The following ELK4 variants were observed in gnomAD, a reference collection of about 807,000 sequenced individuals.
ELK4 encodes ETS domain-containing protein Elk-4.
ELK4 carries 16 observed loss-of-function variants against 29.6 expected under a neutral mutation model. The observed-to-expected ratio is 0.54, with a 90% CI of 0.37 to 0.82. ELK4 has a LOEUF of 0.82. Among genes scored for constraint, ELK4 ranks in the 40% least tolerant of loss-of-function variants. ELK4 has a pLI of 0.00. For synonymous variants in ELK4, 213 were observed against 191.1 expected (o/e 1.11, Z -0.95); for missense variants, 465 against 507.1 (o/e 0.92, Z 0.80).
chr1:205,617,965 A>ATGTGTGTG lies in ELK4; in HGVS notation c.1197+984_1197+991dup, dbSNP rs71773934. Among the ~76,000 whole-genome samples the ATGTGTGTG allele has an allele frequency of 7.4e-3, 1,097 of 147,572 alleles. 11 individuals are homozygous for ATGTGTGTG. Among genetic ancestry groups the ATGTGTGTG allele is most frequent in the African/African-American group, 0.026 (1,031 of 39,990 alleles). On this transcript the variant is annotated intron_variant, in intron 4 of 4. Coordinates refer to ENST00000357992, the MANE Select transcript of ELK4 (RefSeq NM_001973.4). Reference sequence around the variant, plus strand: ...ACCTATGTGCAGAGATCCCCCATATATGTGTGTGTGTGTGTGTGTGAGAGA... The same window carrying ATGTGTGTG: ...ACCTATGTGCAGAGATCCCCCATATATGTGTGTGTGTGTGTGTGTGTGTGTGTGAGAGA...
chr1:205,626,236 A>C (rs1285097093), intron 1 of ELK4: 8 of 529,794 alleles, frequency 1.5e-5, no homozygotes, highest in Admixed American at 2.5e-5. Flanking sequence ...CCAAGCTCAA[A>C]CACCACCTCC....
intron 1 of ELK4, among the ~76,000 whole-genome samples, chr1:205,624,775 T>C (rs182417601): frequency 2.6e-5 from 4 of 152,266 alleles, no homozygotes; most frequent in African/African-American, 9.6e-5. Context: ...TAGATGCCAG[T>C]AGCACCGCCT....
intron 1 of ELK4, among the ~76,000 whole-genome samples, chr1:205,629,184 A>AAG (rs1670527337): frequency 6.6e-6 from 1 of 151,374 alleles, no homozygotes; most frequent in East Asian, 1.9e-4. Flanking sequence ...AAAAAAAAAA[A>AAG]AAAAGAAAAG....
chr1:205,616,620 C>G lies in ELK4; in HGVS notation c.1222G>C (p.Gly408Arg). Residue 408 changes from glycine to arginine, a missense_variant, in exon 5 of 5, where the codon GGG becomes CGG. Physicochemically the swap from Gly to Arg is moderately radical, Grantham distance 125. Transcript: ENST00000357992. ...TCCAGCCCAGACAGAGTGAATGGCC[C>G]ATGACTGTTCAGTACAGAAGGAAAC... The part of the protein sequence containing the change: ...FQFPSVLNSH[G>R]PFTLSGLDGP... The G allele has an allele frequency of 6.2e-7, 1 of 1,614,096 alleles. No homozygotes were observed. Among genetic ancestry groups the G allele is most frequent in the Non-Finnish European group, 8.5e-7 (1 of 1,179,982 alleles).
chr1:205,629,696 G>A (rs779882636), intron 1 of ELK4, among the ~76,000 whole-genome samples: 27 of 151,254 alleles, frequency 1.8e-4, no homozygotes, highest in Non-Finnish European at 3.2e-4. Flanking sequence ...CATCCTGGGC[G>A]ACAGAGCAAG....
chr1:205,623,578 G>T, intron 2 of ELK4, 98 bp downstream of exon 2: 1 of 1,380,492 alleles, frequency 7.2e-7, no homozygotes, highest in Non-Finnish European at 1.0e-6. Context: ...GCCTCCCAAA[G>T]TGCTGGGATT....
At chr1:205,623,312 C>CTTT (rs1224816064) in intron 2 of ELK4, among the ~76,000 whole-genome samples, 2 of 137,364 alleles carry the variant, frequency 1.5e-5, no homozygotes, top group African/African-American at 2.7e-5. Flanking sequence ...AACAAGGAAT[C>CTTT]TTTTTTTTTT....
chr1:205,626,960 T>C (rs1347487845), intron 1 of ELK4, among the ~76,000 whole-genome samples: 1 of 152,154 alleles, frequency 6.6e-6, no homozygotes, highest in Non-Finnish European at 1.5e-5. Context: ...TGGGGTATCA[T>C]CCAGCCACAG....
chr1:205,608,435 C>T lies in ELK4; in HGVS notation c.*8111G>A. On this transcript the variant is annotated 3_prime_UTR_variant, in exon 5 of 5. Coordinates refer to ENST00000357992, the MANE Select transcript of ELK4 (RefSeq NM_001973.4). ...ATCCTAATCAATCTTAGAGCAATAT[C>T]CCTTTGTTTCCCAACAGGTAAGTCA... 5.1e-6 allele frequency: 1 copy of T among 197,414 alleles called. No individual in the cohort carries two copies. 12.2% of individuals were successfully genotyped at this position (197,414 alleles called of 1,614,324 possible). A position where few individuals can be genotyped will look rare whatever the true frequency, so the allele number is the denominator to read the frequency against.
intron 4 of ELK4, among the ~76,000 whole-genome samples, chr1:205,618,221 A>C (rs932296830): frequency 6.6e-6 from 1 of 151,972 alleles, no homozygotes; most frequent in East Asian, 1.9e-4. Context: ...AGTACAGACA[A>C]GGTCTCCTTA....
intron 1 of ELK4, among the ~76,000 whole-genome samples, chr1:205,627,460 G>C (rs1571507169): frequency 6.6e-6 from 1 of 151,768 alleles, no homozygotes; most frequent in Non-Finnish European, 1.5e-5. Flanking sequence ...AGTGAGCTGA[G>C]ATTGCGCCAC....
At chr1:205,627,223 A>C (rs1387264083) in intron 1 of ELK4, among the ~76,000 whole-genome samples, 1 of 152,160 alleles carries the variant, frequency 6.6e-6, no homozygotes, top group East Asian at 1.9e-4. Context: ...AATATTATAA[A>C]CTTAGGCAGG....
Position 205,610,817 on chromosome 1 carries a change from T to C in ELK4, c.*5729A>G. On this transcript the variant is annotated 3_prime_UTR_variant, in exon 5 of 5. Transcript: ENST00000357992. ...CACATTCAGTCAATACATCAGTATA[T>C]ATGCATACACATACATTTACTAGGA... 1 of 231,952 alleles carries C rather than the reference T, an allele frequency of 4.3e-6. No homozygotes were observed. Among genetic ancestry groups the C allele is most frequent in the Middle Eastern group, 1.3e-3 (1 of 770 alleles). 14.4% of individuals were successfully genotyped at this position (231,952 alleles called of 1,614,324 possible). A position where few individuals can be genotyped will look rare whatever the true frequency, so the allele number is the denominator to read the frequency against.
intron 1 of ELK4, among the ~76,000 whole-genome samples, chr1:205,629,686 C>T (rs1053070527): frequency 1.3e-5 from 2 of 152,058 alleles, no homozygotes; most frequent in Non-Finnish European, 2.9e-5. Context: ...CACTGCACTC[C>T]ATCCTGGGCG....
In ELK4 at chr1:205,620,170, A is replaced by T. The variant is rs1206335984; in HGVS notation, c.876T>A (p.Leu292=). 5 of 1,614,106 alleles carry T rather than the reference A, an allele frequency of 3.1e-6. No homozygotes were observed. Among genetic ancestry groups the T allele is most frequent in the Non-Finnish European group, 4.2e-6 (5 of 1,180,046 alleles). Residue 292 remains leucine (L), a synonymous_variant, in exon 3 of 5, where the codon CTT becomes CTA. Coordinates refer to ENST00000357992, the MANE Select transcript of ELK4 (RefSeq NM_001973.4). ...TAGGCTCCAGTGACAAATTCTCTGGAAGTTCCATTGGCTGAGAAGCCACTG... is the reference window on the plus strand; with the variant it reads ...TAGGCTCCAGTGACAAATTCTCTGGTAGTTCCATTGGCTGAGAAGCCACTG... ...IDSVASQPME[L]PENLSLEPKD...
At chr1:205,619,747 G>A (rs746277374) in intron 3 of ELK4, 47 of 1,487,192 alleles carry the variant, frequency 3.2e-5, no homozygotes, top group Non-Finnish European at 4.1e-5. Flanking sequence ...TTATTTACTT[G>A]TAGAACAATG....
intron 2 of ELK4, among the ~76,000 whole-genome samples, chr1:205,623,197 C>T (rs1670385027): frequency 6.6e-6 from 1 of 150,776 alleles, no homozygotes; most frequent in African/African-American, 2.4e-5. Context: ...GGTAGAGATT[C>T]AGCCGGAACA....
rs113271642 is a variant in ELK4, at chr1:205,625,575, G to A, written c.-9-1684C>T. 41 of 1,037,726 alleles carry A rather than the reference G, an allele frequency of 4.0e-5. No individual in the cohort carries two copies. In the African/African-American group the frequency reaches 4.2e-4, roughly 11 times the overall value. 64.3% of individuals were successfully genotyped at this position (1,037,726 alleles called of 1,614,324 possible). A position where few individuals can be genotyped will look rare whatever the true frequency, so the allele number is the denominator to read the frequency against. On this transcript the variant is annotated intron_variant, in intron 1 of 4. Transcript: ENST00000357992. Reference sequence around the variant, plus strand: ...AAAGAAATACCCGGACCGGGTGCCGGTGATAGTAGAAAAGGCTCCCAAAGC... The same window carrying A: ...AAAGAAATACCCGGACCGGGTGCCGATGATAGTAGAAAAGGCTCCCAAAGC...
Position 205,616,487 on chromosome 1 carries a change from A to G in ELK4, c.*59T>C. 6.8e-7 allele frequency: 1 copy of G among 1,468,368 alleles called. No homozygotes were observed. The highest frequency in any genetic ancestry group is 9.5e-7 in the Non-Finnish European group (1 of 1,050,306). 91.0% of individuals were successfully genotyped at this position (1,468,368 alleles called of 1,614,324 possible). A position where few individuals can be genotyped will look rare whatever the true frequency, so the allele number is the denominator to read the frequency against. ...ACTATCAATTGCTCACTTCAAATGC[A>G]ATCATGTTGAATGTCTGTTTCTTCG... is the stretch of plus-strand genomic sequence containing the variant. On this transcript the variant is annotated 3_prime_UTR_variant, in exon 5 of 5. Coordinates refer to ENST00000357992, the MANE Select transcript of ELK4 (RefSeq NM_001973.4).
Sources: allele counts gnomAD v4.1 joint callset (sites outside exome capture counted in the v4.1 genomes callset), GRCh38; gene constraint gnomAD v4.1.1; transcripts MANE v1.5; gene names NCBI Gene and HGNC (gene_info 2026-07-23, HGNC 2026-07-21).